S1PR2: variants seen among roughly 807,000 people sequenced by gnomAD.
S1PR2 encodes the protein sphingosine 1-phosphate receptor 2.
A neutral mutation model predicts 16.1 loss-of-function variants in S1PR2; 9 were observed. The observed-to-expected ratio is 0.56, with a 90% CI of 0.34 to 0.98. The LOEUF is 0.98. Among genes scored for constraint, S1PR2 ranks in the 50% least tolerant of loss-of-function variants. The probability of loss-of-function intolerance (pLI) is 0.02; values close to 1 mark genes in which losing one functional copy is unlikely to be tolerated. For synonymous variants in S1PR2, 224 were observed against 233.9 expected (o/e 0.96, Z 0.38); for missense variants, 361 against 488.4 (o/e 0.74, Z 2.46).
In S1PR2 at chr19:10,221,889, G is replaced by C. The variant is rs2039595618; in HGVS notation, c.*1955C>G. The stretch of plus-strand genomic sequence containing the variant: ...CCACAGGTTTTTGTGAAGTCCTTCT[G>C]GGGGGTTAGGGGAGAGTGTCCCCAG... On this transcript the variant is annotated 3_prime_UTR_variant, in exon 2 of 2. Coordinates refer to ENST00000646641, the MANE Select transcript of S1PR2 (RefSeq NM_004230.4). The C allele has an allele frequency of 6.6e-6, 1 of 152,486 alleles. No homozygotes were observed. The highest frequency in any genetic ancestry group is 6.6e-5 in the Admixed American group (1 of 15,264). 9.4% of individuals were successfully genotyped at this position (152,486 alleles called of 1,614,324 possible). A position where few individuals can be genotyped will look rare whatever the true frequency, so the allele number is the denominator to read the frequency against.
At position 10,224,919 on chromosome 19, in the gene S1PR2, G is replaced by A; in HGVS notation, c.-14C>T. ...CAAGCTGCCCATGGTGGGGCTCAGA[G>A]GCCTGCTGGGGCCATGGGGCTTTCA... On this transcript the variant is annotated 5_prime_UTR_variant, in exon 2 of 2. Coordinates refer to ENST00000646641, the MANE Select transcript of S1PR2 (RefSeq NM_004230.4). 2 of 1,590,662 alleles carry A rather than the reference G, an allele frequency of 1.3e-6. No individual in the cohort carries two copies. Among genetic ancestry groups the A allele is most frequent in the Non-Finnish European group, 1.7e-6 (2 of 1,169,618 alleles).
chr19:10,223,890 T>C lies in S1PR2; in HGVS notation c.1016A>G (p.His339Arg). 3.8e-6 allele frequency: 6 copies of C among 1,578,108 alleles called. No homozygotes were observed. Among genetic ancestry groups the C allele is most frequent in the Non-Finnish European group, 5.2e-6 (6 of 1,162,582 alleles). Residue 339 changes from histidine to arginine, a missense_variant, in exon 2 of 2, where the codon CAC becomes CGC. Transcript: ENST00000646641. ...CAGAAACGTGGGTGACGTGGGCATG[T>C]GCATGCCCCTCTCCAGGGAGCTGGA... Reference protein sequence around the residue: ...RSSSSLERGMHMPTSPTFLEG... With the variant: ...RSSSSLERGMRMPTSPTFLEG...
At position 10,223,983 on chromosome 19, in the gene S1PR2, G is replaced by C; in HGVS notation, c.923C>G (p.Pro308Arg). 2.5e-6 allele frequency: 4 copies of C among 1,606,706 alleles called. No individual in the cohort carries two copies. The highest frequency in any genetic ancestry group is 3.4e-4 in the Middle Eastern group (2 of 5,810). ...EVLRPLQCWRPGVGVQGRRRG... is the reference protein window; with the variant it reads ...EVLRPLQCWRRGVGVQGRRRG... ...CCTCCGTCCTTGCACCCCCACCCCC[G>C]GCCTCCAGCACTGCAGCGGCCGAAG... The change falls in exon 2 of 2, where the codon CCG becomes CGG. Residue 308 changes from proline (P) to arginine (R), a missense_variant. Coordinates refer to ENST00000646641, the MANE Select transcript of S1PR2 (RefSeq NM_004230.4).
intron 1 of S1PR2, among the ~76,000 whole-genome samples, chr19:10,228,864 C>G (rs2039652015): frequency 6.6e-6 from 1 of 152,030 alleles, no homozygotes; most frequent in Admixed American, 6.6e-5. Flanking sequence ...GACTGTTTGT[C>G]TGGAGATTAG....
chr19:10,225,980 G>T (rs199814671), intron 1 of S1PR2, among the ~76,000 whole-genome samples: 2 of 151,842 alleles, frequency 1.3e-5, no homozygotes, highest in African/African-American at 4.9e-5. Context: ...GTAGCTACAC[G>T]CTTTCAAAGG....
In S1PR2 at chr19:10,224,083, C is replaced by T. The variant is rs371414653; in HGVS notation, c.823G>A (p.Ala275Thr). 9 of 1,606,626 alleles carry T rather than the reference C, an allele frequency of 5.6e-6. No homozygotes were observed. The highest frequency in any genetic ancestry group is 1.6e-4 in the Middle Eastern group (1 of 6,084). Reference protein sequence around the residue: ...PILYKAHYFFAVSTLNSLLNP... With the variant: ...PILYKAHYFFTVSTLNSLLNP... The stretch of plus-strand genomic sequence containing the variant: ...AGCAGGGAATTCAGGGTGGAGACGG[C>T]GAAAAAGTAGTGGGCTTTGTAGAGG... Residue 275 changes from alanine to threonine, a missense_variant, in exon 2 of 2, where the codon GCC becomes ACC. Ala to Thr is a moderately conservative substitution (Grantham distance 58). Transcript: ENST00000646641.
Position 10,224,204 on chromosome 19 carries a change from C to T in S1PR2, c.702G>A (p.Thr234=), listed in dbSNP as rs1568275240. ...TAAAGACGCCTAGCACGATGGTGACCGTCTTGAGCAGGGCTAGCGTCTGCG... is the reference window on the plus strand; with the variant it reads ...TAAAGACGCCTAGCACGATGGTGACTGTCTTGAGCAGGGCTAGCGTCTGCG... ...AAPQTLALLK[T]VTIVLGVFIV... is the part of the protein sequence containing the mutation. The change falls in exon 2 of 2, where the codon ACG becomes ACA. Residue 234 remains threonine (T), a synonymous_variant. Transcript: ENST00000646641. The T allele has an allele frequency of 2.5e-6, 4 of 1,612,292 alleles. No individual in the cohort carries two copies. Among genetic ancestry groups the T allele is most frequent in the Non-Finnish European group, 1.7e-6 (2 of 1,180,024 alleles).
chr19:10,227,296 A>C (rs2039641861), intron 1 of S1PR2, among the ~76,000 whole-genome samples: 1 of 152,122 alleles, frequency 6.6e-6, no homozygotes, highest in Admixed American at 6.5e-5. Context: ...TCCTGAGCCC[A>C]GGAGTGATGG....
At position 10,224,769 on chromosome 19, in the gene S1PR2, G is replaced by A; in HGVS notation, c.137C>T (p.Ala46Val). ...CACCAGAAGGTTTTCCACCACAATG[G>A]CGCAACAGAGGATGACGATGAAGGC... ...ASAFIVILCC[A>V]IVVENLLVLI... The change falls in exon 2 of 2, where the codon GCC becomes GTC. Residue 46 changes from alanine to valine, a missense_variant. Transcript: ENST00000646641. 1 of 1,614,264 alleles carries A rather than the reference G, an allele frequency of 6.2e-7. No individual in the cohort carries two copies. The highest frequency in any genetic ancestry group is 1.7e-5 in the Admixed American group (1 of 60,022).
intron 1 of S1PR2, among the ~76,000 whole-genome samples, chr19:10,229,755 C>G (rs1229724296): frequency 6.6e-6 from 1 of 152,150 alleles, no homozygotes; most frequent in Non-Finnish European, 1.5e-5. Flanking sequence ...CCCTGACCCC[C>G]AGTCTACAAT....
rs2039592770 is a variant in S1PR2 at position 10,221,509 on chromosome 19, G to A, written c.*2335C>T. ...AGGCACGTCTGGGGAGCTCTATGAG[G>A]GGAAACAAGCCCCTGACTGGCTCCT... On this transcript the variant is annotated 3_prime_UTR_variant, in exon 2 of 2. Transcript: ENST00000646641. 6.6e-6 allele frequency: 1 copy of A among 152,312 alleles called. No homozygotes were observed. The highest frequency in any genetic ancestry group is 1.9e-4 in the East Asian group (1 of 5,294). The allele number at this position is 152,312 out of a possible 1,614,324, so 9.4% of individuals were successfully genotyped here.
At chr19:10,230,285 C>G (rs2039663671) in intron 1 of S1PR2, 1 of 153,208 alleles carries the variant, frequency 6.5e-6, no homozygotes, top group African/African-American at 2.4e-5. Context: ...GCCCCCGAGA[C>G]CGCCACACGC....
At position 10,224,005 on chromosome 19, in the gene S1PR2, G is replaced by A. The variant is rs551166280; in HGVS notation, c.901C>T (p.Arg301Trp). 8.7e-5 allele frequency: 140 copies of A among 1,612,002 alleles called. 1 individual carries two copies. In the South Asian group the frequency reaches 1.2e-3, roughly 13 times the overall value. The change falls in exon 2 of 2, where the codon CGG becomes TGG. Residue 301 changes from arginine (R) to tryptophan (W), a missense_variant. Coordinates refer to ENST00000646641, the MANE Select transcript of S1PR2 (RefSeq NM_004230.4). ...RSRDLRREVL[R>W]PLQCWRPGVG... is the part of the protein sequence containing the mutation. ...CCCGGCCTCCAGCACTGCAGCGGCC[G>A]AAGCACCTCCCGCCGCAGGTCCCGG...
At chr19:10,228,309 TCAAAACAAAACAAAA>T (rs140658666) in intron 1 of S1PR2, among the ~76,000 whole-genome samples, 5 of 151,570 alleles carry the variant, frequency 3.3e-5, no homozygotes, top group South Asian at 2.1e-4. Flanking sequence ...CGAGACTGTC[TCAAAACAAAACAAAA>T]CAAAACAAAA....
At chr19:10,229,062 C>A (rs1057299014) in intron 1 of S1PR2, among the ~76,000 whole-genome samples, 2 of 152,046 alleles carry the variant, frequency 1.3e-5, no homozygotes, top group Admixed American at 6.6e-5. Flanking sequence ...TACCAAGCAG[C>A]CAGGGGGAGC....
Position 10,222,105 on chromosome 19 carries a change from A to C in S1PR2, c.*1739T>G, listed in dbSNP as rs2039597001. Reference sequence around the variant, plus strand: ...CCCTGTCTCTACTAAAAATACAAAAATTAGCCAGACATGGTGGCAGGTGCC... The same window carrying C: ...CCCTGTCTCTACTAAAAATACAAAACTTAGCCAGACATGGTGGCAGGTGCC... On this transcript the variant is annotated 3_prime_UTR_variant, in exon 2 of 2. Transcript: ENST00000646641. 1 of 152,148 alleles carries C rather than the reference A, an allele frequency of 6.6e-6. No individual in the cohort carries two copies. The allele number at this position is 152,148 out of a possible 1,614,324, so 9.4% of individuals were successfully genotyped here.
chr19:10,224,333 C>G lies in S1PR2; in HGVS notation c.573G>C (p.Val191=). 6.2e-7 allele frequency: 1 copy of G among 1,614,160 alleles called. No individual in the cohort carries two copies. Among genetic ancestry groups the G allele is most frequent in the Non-Finnish European group, 8.5e-7 (1 of 1,180,054 alleles). Residue 191 remains valine, a synonymous_variant, in exon 2 of 2, where the codon GTG becomes GTC. Coordinates refer to ENST00000646641, the MANE Select transcript of S1PR2 (RefSeq NM_004230.4). ...TVLPLYAKHY[V]LCVVTIFSII... Reference sequence around the variant, plus strand: ...TGGAGAAGATGGTCACCACGCACAGCACATAATGCTTGGCGTAGAGAGGCA... The same window carrying G: ...TGGAGAAGATGGTCACCACGCACAGGACATAATGCTTGGCGTAGAGAGGCA...
chr19:10,229,977 A>AAATGAATG (rs56817125), intron 1 of S1PR2, among the ~76,000 whole-genome samples: 83 of 151,686 alleles, frequency 5.5e-4, no homozygotes, highest in Non-Finnish European at 8.7e-4. Context: ...TGGAATGGGC[A>AAATGAATG]AATGAATGAA....
rs747191535 is a variant in S1PR2 at position 10,224,242 on chromosome 19, C to G, written c.664G>C (p.Asp222His). 5.6e-6 allele frequency: 9 copies of G among 1,613,740 alleles called. No homozygotes were observed. The South Asian group carries it at 9.9e-5, about 18-fold the overall frequency. ...GCTAGCGTCTGCGGGGCGGCCATGT[C>G]AGCGTGGCTTGAGCGGACCACGCAG... Reference protein sequence around the residue: ...IYCVVRSSHADMAAPQTLALL... With the variant: ...IYCVVRSSHAHMAAPQTLALL... The change falls in exon 2 of 2, where the codon GAC becomes CAC. Residue 222 changes from aspartate to histidine, a missense_variant. By Grantham distance (81) the Asp-to-His change is moderately conservative. Transcript: ENST00000646641.
Sources: gnomAD v4.1 joint callset for allele counts (sites outside exome capture counted in the v4.1 genomes callset) on GRCh38, gnomAD v4.1.1 for gene constraint, MANE v1.5 for transcripts, NCBI Gene and HGNC (gene_info 2026-07-23, HGNC 2026-07-21) for gene names.